The following PRR12 variants were observed in gnomAD, a reference collection of about 807,000 sequenced individuals.
The protein encoded by PRR12 is proline rich 12.
In PRR12, 12 loss-of-function variants were observed where a neutral mutation model predicts 138.0. The ratio of observed to expected loss-of-function variants is 0.09; its 90% confidence interval spans 0.06 to 0.14. PRR12 has a LOEUF of 0.14. Ranked by LOEUF, PRR12 falls within the 10% of genes least tolerant of loss-of-function variation. The pLI, the probability that PRR12 is intolerant of heterozygous loss-of-function variation, is 1.00. For synonymous variants in PRR12, 1,567 were observed against 1,291.7 expected (o/e 1.21, Z -4.57); for missense variants, 2,692 against 2,861.3 (o/e 0.94, Z 1.35).
rs2080767188 is a variant in PRR12 at position 49,596,171 on chromosome 19, A to G, written c.1836A>G (p.Ala612=). The G allele has an allele frequency of 6.2e-7, 1 of 1,609,374 alleles. No homozygotes were observed. Among genetic ancestry groups the G allele is most frequent in the African/African-American group, 1.3e-5 (1 of 74,932 alleles). Residue 612 remains alanine, a synonymous_variant, in exon 4 of 14, where the codon GCA becomes GCG. Transcript: ENST00000418929. This position sits in a 1 kb window ranked among gnomAD's most constrained non-coding sequence, Gnocchi z 5.6. ...PPGAGSYAAG[A]GGYKGKGDGS... ...GAGCTGGCAGCTATGCAGCCGGAGC[A>G]GGTGGCTACAAGGGCAAGGGGGATG...
Position 49,597,842 on chromosome 19 carries a change from GCCA to G in PRR12, c.3509_3511del (p.Pro1170del). 1 of 1,484,942 alleles carries G rather than the reference GCCA, an allele frequency of 6.7e-7. No homozygotes were observed. Among genetic ancestry groups the G allele is most frequent in the Non-Finnish European group, 8.9e-7 (1 of 1,119,364 alleles). The allele number at this position is 1,484,942 out of a possible 1,614,324, so 92.0% of individuals were successfully genotyped here. On this transcript the variant is annotated inframe_deletion, in exon 4 of 14. Coordinates refer to ENST00000418929, the MANE Select transcript of PRR12 (RefSeq NM_020719.3). The surrounding 1 kb of genome is among the most constrained non-coding windows in gnomAD (Gnocchi z 6.3). Reference sequence around the variant, plus strand: ...AGGCGAAACGTGATGGGCCACCCCGGCCACGGGGGAGGCCCCGGATCCGCCCCC... The same window carrying G: ...AGGCGAAACGTGATGGGCCACCCCGGCGGGGGAGGCCCCGGATCCGCCCCC...
rs1016717503 is a variant in PRR12, at chr19:49,600,044, A to G, written c.4345+106A>G. 5.8e-5 allele frequency: 71 copies of G among 1,223,554 alleles called. No individual in the cohort carries two copies. In the African/African-American group the frequency reaches 7.8e-4, roughly 13 times the overall value. 75.8% of individuals were successfully genotyped at this position (1,223,554 alleles called of 1,614,324 possible). A position where few individuals can be genotyped will look rare whatever the true frequency, so the allele number is the denominator to read the frequency against. On this transcript the variant is annotated intron_variant, in intron 5 of 13. Coordinates refer to ENST00000418929, the MANE Select transcript of PRR12 (RefSeq NM_020719.3). ...TGTTTAAGAGACACCATTCACATAC[A>G]TGGTGTAAGCTTGCGTGTTTATGAA... is the stretch of plus-strand genomic sequence containing the variant.
chr19:49,625,792 T>G lies in PRR12; in HGVS notation c.*185T>G, dbSNP rs867156185. ...GACTCCCCCCCTCTCCCAAGCCCCC[T>G]CCACTCCCTCCCCATTCCTCCCACT... On this transcript the variant is annotated 3_prime_UTR_variant, in exon 14 of 14. Coordinates refer to ENST00000418929, the MANE Select transcript of PRR12 (RefSeq NM_020719.3). The surrounding 1 kb of genome is among the most constrained non-coding windows in gnomAD (Gnocchi z 5.5). 2.9e-5 allele frequency: 16 copies of G among 560,358 alleles called. No individual in the cohort carries two copies. The highest frequency in any genetic ancestry group is 2.1e-4 in the African/African-American group (10 of 47,296). The allele number at this position is 560,358 out of a possible 1,614,324, so 34.7% of individuals were successfully genotyped here.
At chr19:49,593,242 C>A in intron 1 of PRR12, 85 bp from the exon 2 acceptor site, 1 of 633,998 alleles carries the variant, frequency 1.6e-6, no homozygotes, top group Non-Finnish European at 2.7e-6. Context: ...TGGAAGGGTC[C>A]CCCCAACTCC....
At chr19:49,602,866 T>C (rs1350586512) in intron 6 of PRR12, among the ~76,000 whole-genome samples, 1 of 152,252 alleles carries the variant, frequency 6.6e-6, no homozygotes, top group African/African-American at 2.4e-5. Context: ...ATAGCTTCAA[T>C]ATTTACCTTA....
intron 6 of PRR12, among the ~76,000 whole-genome samples, chr19:49,612,929 G>A (rs1402845782): frequency 2.6e-5 from 4 of 151,802 alleles, no homozygotes; most frequent in African/African-American, 7.3e-5. Context: ...CCAAAATGTT[G>A]GGATTAAAGG....
In PRR12 at chr19:49,622,542, A is replaced by G. The variant is rs1174713349; in HGVS notation, c.5721+920A>G. 1.3e-4 allele frequency among the ~76,000 whole-genome samples: 20 copies of G among 150,610 alleles called. No individual in the cohort carries two copies. The Admixed American group carries it at 1.3e-3, about 10-fold the overall frequency. ...AGGAGGTGGAGCTTGCAGTGAGCCA[A>G]GATGGTACCACTGCACTCCAGCCTG... On this transcript the variant is annotated intron_variant, in intron 11 of 13. Transcript: ENST00000418929.
At chr19:49,610,334 T>G (rs1173356755) in intron 6 of PRR12, among the ~76,000 whole-genome samples, 1 of 152,122 alleles carries the variant, frequency 6.6e-6, no homozygotes, top group African/African-American at 2.4e-5. Context: ...CTCAGTGGCT[T>G]ACATCCGCAC....
intron 5 of PRR12, among the ~76,000 whole-genome samples, 173 bp from the exon 6 acceptor site, chr19:49,601,318 C>T (rs759986810): frequency 1.4e-4 from 21 of 152,090 alleles, no homozygotes; most frequent in Non-Finnish European, 2.1e-4. Context: ...CCTTTGCAGC[C>T]GCAGGAGCCA....
At chr19:49,615,153 C>T (rs1351761530) in intron 8 of PRR12, 144 bp downstream of exon 8, 8 of 1,257,310 alleles carry the variant, frequency 6.4e-6, no homozygotes, top group South Asian at 3.0e-5. Flanking sequence ...GACAGAGACC[C>T]GGAGAGAAAT....
chr19:49,595,696 C>G lies in PRR12; in HGVS notation c.1361C>G (p.Pro454Arg). ...GGTCAGCCTCAAGGGCTTCTGGGAC[C>G]CCAGGCCTACGGGCAAGGGTTTGGA... ...SPGQPQGLLG[P>R]QAYGQGFGGG... is the part of the protein sequence containing the mutation. The change falls in exon 4 of 14, where the codon CCC becomes CGC. Residue 454 changes from proline (P) to arginine (R), a missense_variant. Physicochemically the swap from Pro to Arg is moderately radical, Grantham distance 103. Coordinates refer to ENST00000418929, the MANE Select transcript of PRR12 (RefSeq NM_020719.3). 1 of 1,592,390 alleles carries G rather than the reference C, an allele frequency of 6.3e-7. No homozygotes were observed. The highest frequency in any genetic ancestry group is 8.5e-7 in the Non-Finnish European group (1 of 1,169,982).
Position 49,599,147 on chromosome 19 carries a change from G to T in PRR12, c.3679-125G>T. On this transcript the variant is annotated intron_variant, in intron 4 of 13. Transcript: ENST00000418929. The surrounding 1 kb of genome is among the most constrained non-coding windows in gnomAD (Gnocchi z 5.0). ...TCCTAGAATCTAAGACAAGGGGTCT[G>T]CAGGTTTGAATTCTATAAATTCACA... 3 of 911,342 alleles carry T rather than the reference G, an allele frequency of 3.3e-6. No homozygotes were observed. Among genetic ancestry groups the T allele is most frequent in the Non-Finnish European group, 1.6e-6 (1 of 626,922 alleles). 56.5% of individuals were successfully genotyped at this position (911,342 alleles called of 1,614,324 possible). A position where few individuals can be genotyped will look rare whatever the true frequency, so the allele number is the denominator to read the frequency against.
In PRR12 at chr19:49,614,104, C is replaced by T. The variant is rs1352036178; in HGVS notation, c.4774-429C>T. 6.6e-6 allele frequency among the ~76,000 whole-genome samples: 1 copy of T among 151,950 alleles called. No individual in the cohort carries two copies. The highest frequency in any genetic ancestry group is 1.5e-5 in the Non-Finnish European group (1 of 68,000). On this transcript the variant is annotated intron_variant, in intron 6 of 13. Coordinates refer to ENST00000418929, the MANE Select transcript of PRR12 (RefSeq NM_020719.3). This position sits in a 1 kb window ranked among gnomAD's most constrained non-coding sequence, Gnocchi z 5.0. Reference sequence around the variant, plus strand: ...AACCTGGGCAACAAGAGCAAAACTCCGTCTCAAAAAAAGAAAAAGTAAAAA... The same window carrying T: ...AACCTGGGCAACAAGAGCAAAACTCTGTCTCAAAAAAAGAAAAAGTAAAAA...
intron 6 of PRR12, among the ~76,000 whole-genome samples, chr19:49,603,627 G>T (rs142237232): frequency 6.6e-6 from 1 of 152,036 alleles, no homozygotes. Context: ...TGGGGTGGAG[G>T]GGGGAGGTTG....
Position 49,599,605 on chromosome 19 carries a change from T to C in PRR12, c.4012T>C (p.Ser1338Pro). ...CCCTGCTGTGCCACATCCCCCACCTTCCGGAGCCTTTGGGCTTGGGGGCGC... is the reference window on the plus strand; with the variant it reads ...CCCTGCTGTGCCACATCCCCCACCTCCCGGAGCCTTTGGGCTTGGGGGCGC... ...ATPAVPHPPP[S>P]GAFGLGGALE... The change falls in exon 5 of 14, where the codon TCC (serine) becomes CCC (proline). Residue 1338 changes from serine (S) to proline (P), a missense_variant. Physicochemically the swap from Ser to Pro is moderately conservative, Grantham distance 74. Transcript: ENST00000418929. This position sits in a 1 kb window ranked among gnomAD's most constrained non-coding sequence, Gnocchi z 5.0. 1 of 1,600,164 alleles carries C rather than the reference T, an allele frequency of 6.2e-7. No individual in the cohort carries two copies. The highest frequency in any genetic ancestry group is 8.5e-7 in the Non-Finnish European group (1 of 1,172,436).
At position 49,596,553 on chromosome 19, in the gene PRR12, G is replaced by A. The variant is rs1337693743; in HGVS notation, c.2218G>A (p.Glu740Lys). The change falls in exon 4 of 14, where the codon GAG becomes AAG. Residue 740 changes from glutamate to lysine, a missense_variant. Coordinates refer to ENST00000418929, the MANE Select transcript of PRR12 (RefSeq NM_020719.3). This position sits in a 1 kb window ranked among gnomAD's most constrained non-coding sequence, Gnocchi z 5.6. ...GCCAGAGCGGGGTGGCGAGACCCCC[G>A]AGGGGCTGGCCACCTCTGTTGTCCA... ...KGPERGGETPEGLATSVVHYG... is the reference protein window; with the variant it reads ...KGPERGGETPKGLATSVVHYG... The A allele has an allele frequency of 6.2e-7, 1 of 1,605,884 alleles. No homozygotes were observed. The highest frequency in any genetic ancestry group is 8.5e-7 in the Non-Finnish European group (1 of 1,176,842).
At position 49,598,026 on chromosome 19, in the gene PRR12, G is replaced by A. The variant is rs986174843; in HGVS notation, c.3678+13G>A. 5 of 1,355,656 alleles carry A rather than the reference G, an allele frequency of 3.7e-6. No homozygotes were observed. In the African/African-American group the frequency reaches 6.1e-5, roughly 17 times the overall value. The allele number at this position is 1,355,656 out of a possible 1,614,324, so 84.0% of individuals were successfully genotyped here. The stretch of plus-strand genomic sequence containing the variant: ...GAAGCCACTTAAGGTGAGGGGAAAT[G>A]GGGTCTTGTAGGGGATAGGGGAGGA... On this transcript the variant is annotated intron_variant, in intron 4 of 13. Coordinates refer to ENST00000418929, the MANE Select transcript of PRR12 (RefSeq NM_020719.3).
At position 49,597,620 on chromosome 19, in the gene PRR12, C is replaced by T. The variant is rs1279790370; in HGVS notation, c.3285C>T (p.Tyr1095=). Reference sequence around the variant, plus strand: ...CCTTCCAGACCCCCAAGAAGCTGTACGCCCAGGAGTACGAGTTCGAGGCGG... The same window carrying T: ...CCTTCCAGACCCCCAAGAAGCTGTATGCCCAGGAGTACGAGTTCGAGGCGG... The part of the protein sequence containing the change: ...DPPFQTPKKL[Y]AQEYEFEADE... The change falls in exon 4 of 14, where the codon TAC becomes TAT. Residue 1095 remains tyrosine (Y), a synonymous_variant. Coordinates refer to ENST00000418929, the MANE Select transcript of PRR12 (RefSeq NM_020719.3). This position sits in a 1 kb window ranked among gnomAD's most constrained non-coding sequence, Gnocchi z 6.3. The T allele has an allele frequency of 2.5e-6, 4 of 1,610,030 alleles. No homozygotes were observed. Among genetic ancestry groups the T allele is most frequent in the Admixed American group, 1.7e-5 (1 of 59,740 alleles).
rs1319944426 is a variant in PRR12, at chr19:49,601,789, G to A, written c.4644G>A (p.Leu1548=). The change falls in exon 6 of 14, where the codon CTG becomes CTA. Residue 1548 remains leucine, a synonymous_variant. Coordinates refer to ENST00000418929, the MANE Select transcript of PRR12 (RefSeq NM_020719.3). ...TGCCGGACACCCGGCCCCTGCATCTGGCCAAAAAGCAGGAGACGGCGGCAG... is the reference window on the plus strand; with the variant it reads ...TGCCGGACACCCGGCCCCTGCATCTAGCCAAAAAGCAGGAGACGGCGGCAG... ...PELPDTRPLH[L]AKKQETAAVC... is the part of the protein sequence containing the mutation. 5 of 1,609,452 alleles carry A rather than the reference G, an allele frequency of 3.1e-6. No individual in the cohort carries two copies. In the African/African-American group the frequency reaches 5.3e-5, roughly 17 times the overall value.
Sources: gnomAD v4.1 joint callset for allele counts (sites outside exome capture counted in the v4.1 genomes callset) on GRCh38, gnomAD v4.1.1 for gene constraint, Gnocchi (gnomAD v3.1) non-coding constraint, MANE v1.5 for transcripts, NCBI Gene and HGNC (gene_info 2026-07-23, HGNC 2026-07-21) for gene names.